MED12L: variants seen among roughly 807,000 people sequenced by gnomAD.
MED12L encodes mediator of RNA polymerase II transcription subunit 12-like protein.
MED12L carries 60 observed loss-of-function variants against 281.3 expected under a neutral mutation model. The ratio of observed to expected loss-of-function variants is 0.21; its 90% CI spans 0.17 to 0.26. The LOEUF (loss-of-function observed/expected upper bound fraction) is 0.26. Ranked by LOEUF, MED12L falls within the 10% of genes least tolerant of loss-of-function variation. MED12L has a pLI of 1.00. For missense variants in MED12L, 2,146 were observed against 2,680.9 expected, an observed-to-expected ratio of 0.80 and a Z score of 4.41; for synonymous variants, 974 against 987.2, an observed-to-expected ratio of 0.99 and a Z score of 0.25.
intron 16 of MED12L, chr3:151,338,574 G>A (rs1481732141): frequency 1.2e-6 from 2 of 1,613,902 alleles, no homozygotes; most frequent in Middle Eastern, 3.3e-4. Flanking sequence ...AGTTCTCAGT[G>A]GTCCTGTTCC....
At chr3:151,142,064 C>G (rs1717109330) in intron 5 of MED12L, among the ~76,000 whole-genome samples, 1 of 152,164 alleles carries the variant, frequency 6.6e-6, no homozygotes, top group African/African-American at 2.4e-5. Context: ...TAAGCTTGTT[C>G]AAAGTCTTGG....
intron 11 of MED12L, among the ~76,000 whole-genome samples, chr3:151,175,649 A>C (rs1721953231): frequency 6.6e-6 from 1 of 152,206 alleles, no homozygotes; most frequent in South Asian, 2.1e-4. Flanking sequence ...GAGGGATAGA[A>C]GACCTGTGGT....
At position 151,411,458 on chromosome 3, in the gene MED12L, G is replaced by A; in HGVS notation, c.6091G>A (p.Val2031Ile). ...RQIQQQPSGY[V>I]QQQASPYLQP... Reference sequence around the variant, plus strand: ...GATTCAGCAGCAGCCGAGTGGCTATGTTCAGCAGCAGGCCTCGCCGTACCT... The same window carrying A: ...GATTCAGCAGCAGCCGAGTGGCTATATTCAGCAGCAGGCCTCGCCGTACCT... Residue 2031 changes from valine to isoleucine, a missense_variant, in exon 41 of 45, where the codon GTT becomes ATT. By Grantham distance (29) the Val-to-Ile change is conservative (BLOSUM62 3). Transcript: ENST00000687756. 1 of 1,614,216 alleles carries A rather than the reference G, an allele frequency of 6.2e-7. No homozygotes were observed. Among genetic ancestry groups the A allele is most frequent in the Non-Finnish European group, 8.5e-7 (1 of 1,180,032 alleles).
intron 43 of MED12L, among the ~76,000 whole-genome samples, chr3:151,417,542 G>A (rs1717756140): frequency 7.8e-6 from 1 of 128,110 alleles, no homozygotes; most frequent in Non-Finnish European, 1.6e-5. Flanking sequence ...AAGCTGGAGT[G>A]CAGTGCGATC....
intron 43 of MED12L, among the ~76,000 whole-genome samples, chr3:151,420,010 G>A (rs1009351139): frequency 1.3e-5 from 2 of 152,114 alleles, no homozygotes; most frequent in Non-Finnish European, 2.9e-5. Flanking sequence ...TACCCATTCT[G>A]TATTCCCTTC....
chr3:151,281,078 T>C (rs983409084), intron 16 of MED12L, among the ~76,000 whole-genome samples: 4 of 151,834 alleles, frequency 2.6e-5, no homozygotes, highest in African/African-American at 9.7e-5. Flanking sequence ...TTATTCTATC[T>C]TCATATGTTT....
At chr3:151,300,101 T>C (rs1400953731) in intron 16 of MED12L, 16 of 1,605,702 alleles carry the variant, frequency 1.0e-5, no homozygotes, top group Non-Finnish European at 1.1e-5. Context: ...TGAACCCCAT[T>C]CTTCAGTTGT....
At chr3:151,242,623 C>T (rs1384774373) in intron 16 of MED12L, among the ~76,000 whole-genome samples, 3 of 152,292 alleles carry the variant, frequency 2.0e-5, no homozygotes, top group South Asian at 2.1e-4. Flanking sequence ...CTGTACATCA[C>T]CATCATCAAA....
intron 2 of MED12L, among the ~76,000 whole-genome samples, chr3:151,089,533 G>C (rs1313974695): frequency 6.6e-6 from 1 of 151,854 alleles, no homozygotes; most frequent in South Asian, 2.1e-4. Flanking sequence ...TGTGAGAAAA[G>C]CCCTCCTCCT....
chr3:151,263,780 GC>G (rs1739343978), intron 16 of MED12L, among the ~76,000 whole-genome samples: 2 of 152,088 alleles, frequency 1.3e-5, no homozygotes, highest in Non-Finnish European at 2.9e-5. Flanking sequence ...CCACTTATCA[GC>G]TCTGTGACTC....
intron 4 of MED12L, among the ~76,000 whole-genome samples, chr3:151,126,386 C>T (rs534763952): frequency 6.6e-6 from 1 of 152,294 alleles, no homozygotes; most frequent in Admixed American, 6.5e-5. Context: ...GCTTTTCCTT[C>T]AGCATTGAAA....
chr3:151,363,811 A>G (rs1212306630), intron 21 of MED12L, among the ~76,000 whole-genome samples: 1 of 152,148 alleles, frequency 6.6e-6, no homozygotes, highest in Non-Finnish European at 1.5e-5. Context: ...TATATTTTTA[A>G]CAAACACCCC....
At chr3:151,319,456 T>TGTGTGTGC (rs1315079966) in intron 16 of MED12L, among the ~76,000 whole-genome samples, 14 of 111,472 alleles carry the variant, frequency 1.3e-4, no homozygotes, top group African/African-American at 4.6e-4. Flanking sequence ...TCCAGGTGTG[T>TGTGTGTGC]GTGTGTGTGT....
rs956500810 is a variant in MED12L at position 151,435,034 on chromosome 3, C to T, written c.*2230C>T. 2.0e-5 allele frequency: 3 copies of T among 149,858 alleles called. No homozygotes were observed. Among genetic ancestry groups the T allele is most frequent in the Admixed American group, 6.6e-5 (1 of 15,106 alleles). 9.3% of individuals were successfully genotyped at this position (149,858 alleles called of 1,614,324 possible). On this transcript the variant is annotated 3_prime_UTR_variant, in exon 45 of 45. Transcript: ENST00000687756. ...ATTACTTTAGTCTTCAGATTTTCTC[C>T]CTGTTAATTCTGTATCTTGAGAGGT...
chr3:151,234,383 G>A (rs1732309207), intron 16 of MED12L, among the ~76,000 whole-genome samples: 3 of 152,230 alleles, frequency 2.0e-5, no homozygotes, highest in African/African-American at 7.2e-5. Context: ...ATTGCAAATA[G>A]TTACGTTGTA....
At chr3:151,353,992 T>A (rs990354835) in intron 17 of MED12L, among the ~76,000 whole-genome samples, 1 of 128,472 alleles carries the variant, frequency 7.8e-6, no homozygotes, top group Non-Finnish European at 1.6e-5. Context: ...ATACAAAAAA[T>A]TAGCCGGGCG....
intron 39 of MED12L, among the ~76,000 whole-genome samples, chr3:151,408,141 T>C (rs1716542647): frequency 1.3e-5 from 2 of 152,300 alleles, no homozygotes; most frequent in South Asian, 4.1e-4. Flanking sequence ...GCTGGGCAAG[T>C]TTGCTAAGTT....
Position 151,224,438 on chromosome 3 carries a change from G to GT in MED12L, c.2250+30775dup, listed in dbSNP as rs1457260175. On this transcript the variant is annotated intron_variant, in intron 16 of 44. Coordinates refer to ENST00000687756, the MANE Select transcript of MED12L (RefSeq NM_001393769.1). ...CTGCTTTAATCTCTCATGCCTTAAT[G>GT]TTTAACACTTTTTTTTTTTTTGGTG... Among the ~76,000 whole-genome samples the GT allele has an allele frequency of 2.0e-4, 30 of 147,348 alleles. No homozygotes were observed. The South Asian group carries it at 4.4e-3, about 22-fold the overall frequency.
intron 16 of MED12L, among the ~76,000 whole-genome samples, chr3:151,260,942 T>C (rs1738748947): frequency 6.6e-6 from 1 of 152,100 alleles, no homozygotes; most frequent in Admixed American, 6.6e-5. Flanking sequence ...CCAGTTTCCA[T>C]CTCCCCAGAC....
Sources: gnomAD v4.1 joint callset for allele counts (sites outside exome capture counted in the v4.1 genomes callset) on GRCh38, gnomAD v4.1.1 for gene constraint, MANE v1.5 for transcripts, NCBI Gene and HGNC (gene_info 2026-07-23, HGNC 2026-07-21) for gene names.